NT5DC1: variants seen among roughly 807,000 people sequenced by gnomAD.
NT5DC1 encodes 5'-nucleotidase domain containing 1.
Under a neutral mutation model 59.4 loss-of-function variants are expected in NT5DC1, and 42 were observed. That is an observed-to-expected ratio of 0.71 (90% confidence interval 0.55 to 0.92). NT5DC1 has a LOEUF of 0.92. Among genes scored for constraint, NT5DC1 ranks in the 40% least tolerant of loss-of-function variants. NT5DC1 has a pLI of 0.00. For missense variants in NT5DC1, 501 were observed against 537.1 expected (o/e 0.93, Z 0.66); for synonymous variants, 172 against 188.1 (o/e 0.91, Z 0.70).
chr6:116,101,792 C>T (rs761327927), intron 1 of NT5DC1, among the ~76,000 whole-genome samples: 1 of 152,156 alleles, frequency 6.6e-6, no homozygotes, highest in Non-Finnish European at 1.5e-5. Context: ...CTTTGGTTTC[C>T]CAATTCCCAA....
chr6:116,205,957 A>G (rs1204851), intron 6 of NT5DC1, among the ~76,000 whole-genome samples: 64,543 of 151,724 alleles, frequency 0.43, 17,704 homozygotes, highest in African/African-American at 0.78. Context: ...CAAGGTTCTA[A>G]TAGCTACCCC....
chr6:116,221,305 G>A, intron 7 of NT5DC1, 77 bp downstream of exon 7: 1 of 851,082 alleles, frequency 1.2e-6, no homozygotes, highest in East Asian at 2.4e-5. Context: ...TTTTAAAAGT[G>A]TCAGCCATGA....
chr6:116,220,940 G>T (rs1781786647), intron 6 of NT5DC1, 114 bp from the exon 7 acceptor site: 5 of 606,664 alleles, frequency 8.2e-6, no homozygotes, highest in Admixed American at 5.9e-5. Flanking sequence ...GTCAAACCTT[G>T]TTCTTATCCT....
At chr6:116,229,811 C>T (rs968096967) in intron 8 of NT5DC1, among the ~76,000 whole-genome samples, 2 of 152,124 alleles carry the variant, frequency 1.3e-5, no homozygotes, top group African/African-American at 2.4e-5. Flanking sequence ...CTCTCTGTCT[C>T]GTCCCTTGGC....
intron 6 of NT5DC1, among the ~76,000 whole-genome samples, chr6:116,138,081 AAAAAG>A (rs931010167): frequency 2.0e-5 from 3 of 152,182 alleles, no homozygotes; most frequent in Non-Finnish European, 4.4e-5. Flanking sequence ...CTGCTCAAAA[AAAAAG>A]AAAAGAAAGA....
chr6:116,237,836 C>T (rs1283946322), intron 9 of NT5DC1, among the ~76,000 whole-genome samples: 5 of 152,220 alleles, frequency 3.3e-5, no homozygotes, highest in African/African-American at 1.2e-4. Flanking sequence ...GTCTCTAATA[C>T]CTCACCAGCT....
chr6:116,178,107 G>T (rs760358588), intron 6 of NT5DC1, among the ~76,000 whole-genome samples: 1 of 92,946 alleles, frequency 1.1e-5, no homozygotes, highest in East Asian at 2.2e-4. Flanking sequence ...GCGCGCGTGC[G>T]TGCGTGTGTG....
chr6:116,243,145 A>T (rs1004519299), intron 11 of NT5DC1, among the ~76,000 whole-genome samples: 14 of 152,192 alleles, frequency 9.2e-5, no homozygotes, highest in African/African-American at 3.4e-4. Flanking sequence ...CTTCTTCCTT[A>T]AATTGAAGAA....
Position 116,100,930 on chromosome 6 carries a change from C to T in NT5DC1, c.-1C>T, listed in dbSNP as rs748819369. On this transcript the variant is annotated 5_prime_UTR_variant, in exon 1 of 12. Coordinates refer to ENST00000319550, the MANE Select transcript of NT5DC1 (RefSeq NM_152729.3). ...CGCTCCCTGGTGCTCCCCGCGCAGC[C>T]ATGGCTCAGCACTTCTCCCTGGCCG... 5 of 1,597,654 alleles carry T rather than the reference C, an allele frequency of 3.1e-6. No individual in the cohort carries two copies. The Admixed American group carries it at 8.5e-5, about 27-fold the overall frequency.
At chr6:116,107,231 A>C (rs1778783641) in intron 2 of NT5DC1, among the ~76,000 whole-genome samples, 1 of 147,132 alleles carries the variant, frequency 6.8e-6, no homozygotes, top group Admixed American at 6.8e-5. Context: ...CATTATGTTG[A>C]TCTAGTATGC....
chr6:116,171,255 A>G (rs1253658915), intron 6 of NT5DC1, among the ~76,000 whole-genome samples: 1 of 152,184 alleles, frequency 6.6e-6, no homozygotes. Context: ...TTAATTGCCA[A>G]GATTATTATT....
chr6:116,103,018 C>T (rs1311648876), intron 1 of NT5DC1, among the ~76,000 whole-genome samples: 1 of 152,214 alleles, frequency 6.6e-6, no homozygotes, highest in African/African-American at 2.4e-5. Flanking sequence ...TCTAAGCCCA[C>T]CTTCAGTTTT....
chr6:116,243,429 T>C (rs570401773), intron 11 of NT5DC1, among the ~76,000 whole-genome samples: 2 of 151,800 alleles, frequency 1.3e-5, no homozygotes, highest in African/African-American at 4.9e-5. Flanking sequence ...ACTTAAACAT[T>C]ATTATAAATT....
chr6:116,209,908 T>G (rs990932007), intron 6 of NT5DC1, among the ~76,000 whole-genome samples: 1 of 152,008 alleles, frequency 6.6e-6, no homozygotes. Context: ...CAGATAATGG[T>G]CATCAAATAA....
chr6:116,249,186 T>TA lies in NT5DC1; in HGVS notation c.*5165dup, dbSNP rs1428622039. 2.0e-5 allele frequency: 3 copies of TA among 152,266 alleles called. No individual in the cohort carries two copies. Among genetic ancestry groups the TA allele is most frequent in the Admixed American group, 2.0e-4 (3 of 15,300 alleles). 9.4% of individuals were successfully genotyped at this position (152,266 alleles called of 1,614,324 possible). On this transcript the variant is annotated 3_prime_UTR_variant, in exon 12 of 12. Coordinates refer to ENST00000319550, the MANE Select transcript of NT5DC1 (RefSeq NM_152729.3). Reference sequence around the variant, plus strand: ...AAAGAAAACCTAGCTCTCTAATACTTAAAGTTCTCTAGCCCTAGAAAAAAA... The same window carrying TA: ...AAAGAAAACCTAGCTCTCTAATACTTAAAAGTTCTCTAGCCCTAGAAAAAAA...
intron 6 of NT5DC1, among the ~76,000 whole-genome samples, chr6:116,189,720 A>G (rs1384994258): frequency 6.6e-6 from 1 of 151,908 alleles, no homozygotes; most frequent in Non-Finnish European, 1.5e-5. Flanking sequence ...TGTTCTGAGG[A>G]TGAAAAAAAA....
At chr6:116,146,362 T>C (rs1303413092) in intron 6 of NT5DC1, among the ~76,000 whole-genome samples, 1 of 152,152 alleles carries the variant, frequency 6.6e-6, no homozygotes, top group Non-Finnish European at 1.5e-5. Context: ...GACTTTATCA[T>C]ACTCTGACCT....
At chr6:116,112,335 T>C (rs1049117947) in intron 4 of NT5DC1, among the ~76,000 whole-genome samples, 1 of 152,110 alleles carries the variant, frequency 6.6e-6, no homozygotes, top group Non-Finnish European at 1.5e-5. Context: ...TTTTTTTAAA[T>C]GTAGAGAAGT....
intron 8 of NT5DC1, among the ~76,000 whole-genome samples, chr6:116,228,619 G>T (rs6920168): frequency 0.27 from 40,431 of 152,072 alleles, 7,005 homozygotes; most frequent in East Asian, 0.62. Context: ...AAATATTTCA[G>T]TGGAAGAAAT....
Sources: gnomAD v4.1 joint callset for allele counts (sites outside exome capture counted in the v4.1 genomes callset) on GRCh38, gnomAD v4.1.1 for gene constraint, MANE v1.5 for transcripts, NCBI Gene and HGNC (gene_info 2026-07-23, HGNC 2026-07-21) for gene names.